The following FSTL4 variants were observed in gnomAD, a reference collection of about 807,000 sequenced individuals.
FSTL4 encodes follistatin-related protein 4.
FSTL4 carries 28 observed loss-of-function variants against 78.2 expected under a neutral mutation model. That is an observed-to-expected ratio of 0.36 (90% confidence interval 0.27 to 0.49). The LOEUF (loss-of-function observed/expected upper bound fraction) is 0.49, where lower values mean the gene tolerates loss of function less well. FSTL4 is among the 20% of genes least tolerant of loss of function. The pLI is 0.98. For missense variants in FSTL4, 922 were observed against 1,084.9 expected (o/e 0.85, Z 2.11); for synonymous variants, 422 against 440.5 (o/e 0.96, Z 0.53).
In FSTL4 at chr5:133,199,439, G is replaced by T. The variant is rs1160718412; in HGVS notation, c.2185C>A (p.Gln729Lys). The change falls in exon 16 of 16, where the codon CAA becomes AAA. Residue 729 changes from glutamine (Q) to lysine (K), a missense_variant. Transcript: ENST00000265342. This position sits in a 1 kb window ranked among gnomAD's most constrained non-coding sequence, Gnocchi z 4.4. ...RGEIQTLYDL[Q>K]INSGISDLAF... ...AAGTCTGAGATGCCCGAGTTTATTT[G>T]CAGGTCATACAGGGTCTGGATCTCG... The T allele has an allele frequency of 6.2e-7, 1 of 1,614,186 alleles. No homozygotes were observed. Among genetic ancestry groups the T allele is most frequent in the Non-Finnish European group, 8.5e-7 (1 of 1,180,014 alleles).
intron 6 of FSTL4, among the ~76,000 whole-genome samples, chr5:133,311,545 C>G (rs1184749457): frequency 6.6e-6 from 1 of 152,204 alleles, no homozygotes; most frequent in African/African-American, 2.4e-5. Flanking sequence ...CCACAAGAGC[C>G]CTTCTTGCCA....
intron 4 of FSTL4, among the ~76,000 whole-genome samples, chr5:133,322,190 G>A (rs902583249): frequency 2.1e-4 from 31 of 149,058 alleles, no homozygotes; most frequent in Non-Finnish European, 3.7e-4. Flanking sequence ...AATCCACCTC[G>A]TCTGTAGGAA....
Position 133,573,820 on chromosome 5 carries a change from T to C in FSTL4, c.127-6601A>G, listed in dbSNP as rs547758953. 2.6e-5 allele frequency among the ~76,000 whole-genome samples: 4 copies of C among 152,332 alleles called. No homozygotes were observed. In the South Asian group the frequency reaches 8.3e-4, roughly 32 times the overall value. On this transcript the variant is annotated intron_variant, in intron 2 of 15. Transcript: ENST00000265342. ...TAAAAATTGGCCGTATGCTGAGCCA[T>C]AAGCAAGTTTAAACACATCATGGCA...
intron 6 of FSTL4, among the ~76,000 whole-genome samples, chr5:133,279,985 G>C (rs1752974315): frequency 1.3e-5 from 2 of 152,204 alleles, no homozygotes; most frequent in African/African-American, 4.8e-5. Flanking sequence ...GGAATACCAG[G>C]AGCCACCAGA....
At chr5:133,242,431 A>G (rs1246742493) in intron 7 of FSTL4, among the ~76,000 whole-genome samples, 1 of 151,990 alleles carries the variant, frequency 6.6e-6, no homozygotes, top group Non-Finnish European at 1.5e-5. Flanking sequence ...TTCTGCAATC[A>G]GGGTATAGAA....
At chr5:133,392,281 G>C (rs1755868414) in intron 4 of FSTL4, among the ~76,000 whole-genome samples, 2 of 152,130 alleles carry the variant, frequency 1.3e-5, no homozygotes, top group Admixed American at 1.3e-4. Flanking sequence ...TCGTGGGACA[G>C]TCTGGGTCTT....
intron 3 of FSTL4, among the ~76,000 whole-genome samples, chr5:133,413,543 T>C (rs190876678): frequency 3.9e-5 from 6 of 152,314 alleles, no homozygotes; most frequent in Non-Finnish European, 7.4e-5. Flanking sequence ...TGCTTATAAT[T>C]CATCAGGTTT....
chr5:133,197,568 G>T lies in FSTL4; in HGVS notation c.*1527C>A, dbSNP rs1462535362. 1.3e-5 allele frequency: 2 copies of T among 152,428 alleles called. No homozygotes were observed. The highest frequency in any genetic ancestry group is 4.8e-5 in the African/African-American group (2 of 41,454). The allele number at this position is 152,428 out of a possible 1,614,324, so 9.4% of individuals were successfully genotyped here. ...AGGAGTGAAAGGAGCTGTGTGTGTT[G>T]AGAGTGACACAGAGTCTAGGGTTTC... On this transcript the variant is annotated 3_prime_UTR_variant, in exon 16 of 16. Coordinates refer to ENST00000265342, the MANE Select transcript of FSTL4 (RefSeq NM_015082.2).
At chr5:133,509,742 C>T (rs1324736950) in intron 3 of FSTL4, among the ~76,000 whole-genome samples, 1 of 152,218 alleles carries the variant, frequency 6.6e-6, no homozygotes, top group Non-Finnish European at 1.5e-5. Flanking sequence ...ATGGGCCTAA[C>T]ACGATAACAT....
intron 1 of FSTL4, among the ~76,000 whole-genome samples, chr5:133,609,964 A>G (rs906381277): frequency 1.3e-5 from 2 of 152,228 alleles, no homozygotes; most frequent in Admixed American, 1.3e-4. Flanking sequence ...ACCGCACATA[A>G]GCAACTCAAG....
intron 3 of FSTL4, among the ~76,000 whole-genome samples, chr5:133,424,436 G>T (rs548856800): frequency 6.6e-6 from 1 of 152,278 alleles, no homozygotes; most frequent in Admixed American, 6.5e-5. Context: ...GATGATATTT[G>T]TATTCAATAC....
the FSTL4 span, among the ~76,000 whole-genome samples, chr5:133,634,846 C>T: frequency 6.6e-6 from 1 of 152,112 alleles, no homozygotes; most frequent in Non-Finnish European, 1.5e-5. Context: ...AGAGTACCCT[C>T]ATAATCTACA....
chr5:133,819,373 C>T, the FSTL4 span, among the ~76,000 whole-genome samples: 1 of 152,134 alleles, frequency 6.6e-6, no homozygotes, highest in African/African-American at 2.4e-5. Context: ...TCTGTCTGCT[C>T]CCTGCTCACA....
At chr5:133,487,479 C>T (rs1758160868) in intron 3 of FSTL4, among the ~76,000 whole-genome samples, 1 of 152,206 alleles carries the variant, frequency 6.6e-6, no homozygotes, top group African/African-American at 2.4e-5. Context: ...GTGAACTGTT[C>T]TGCTGTTCAT....
chr5:133,398,212 T>A lies in FSTL4; in HGVS notation c.409+2526A>T, dbSNP rs80328392. ...AGGCTCCTGTGAATCAGTGCCCAGGTCTTTCCTGTTTGCTGGGCACTCCCT... is the reference window on the plus strand; with the variant it reads ...AGGCTCCTGTGAATCAGTGCCCAGGACTTTCCTGTTTGCTGGGCACTCCCT... On this transcript the variant is annotated intron_variant, in intron 4 of 15. Coordinates refer to ENST00000265342, the MANE Select transcript of FSTL4 (RefSeq NM_015082.2). Among the ~76,000 whole-genome samples, 688 of 152,240 alleles carry A rather than the reference T, an allele frequency of 4.5e-3. 25 individuals are homozygous for A. In the East Asian group the frequency reaches 0.077, roughly 17 times the overall value.
chr5:133,560,961 C>T (rs1461099819), intron 3 of FSTL4, among the ~76,000 whole-genome samples: 1 of 151,230 alleles, frequency 6.6e-6, no homozygotes, highest in East Asian at 2.0e-4. Flanking sequence ...TGGTGGTGGG[C>T]ACATGTAGTC....
chr5:133,454,577 A>C (rs1191288736), intron 3 of FSTL4, among the ~76,000 whole-genome samples: 1 of 152,152 alleles, frequency 6.6e-6, no homozygotes, highest in African/African-American at 2.4e-5. Context: ...AGAAAGGAAA[A>C]TATCTCTGCC....
At chr5:133,736,473 A>G in the FSTL4 span, among the ~76,000 whole-genome samples, 1 of 152,238 alleles carries the variant, frequency 6.6e-6, no homozygotes, top group Admixed American at 6.5e-5. Context: ...ATTTAAAGCC[A>G]CAACCTTGAT....
rs766582884 is a variant in FSTL4, at chr5:133,220,858, C to A, written c.1348G>T (p.Val450Leu). The A allele has an allele frequency of 1.3e-6, 2 of 1,596,030 alleles. No homozygotes were observed. Among genetic ancestry groups the A allele is most frequent in the African/African-American group, 2.7e-5 (2 of 74,580 alleles). Residue 450 changes from valine (V) to leucine (L), a missense_variant, in exon 12 of 16, where the codon GTG becomes TTG. By Grantham distance (32) the Val-to-Leu change is conservative (BLOSUM62 1). Coordinates refer to ENST00000265342, the MANE Select transcript of FSTL4 (RefSeq NM_015082.2). ...GAGAAGACATAGAACATGTTTCCCACGCTGAGGCCTGGGAGGAGCAAATGG... is the reference window on the plus strand; with the variant it reads ...GAGAAGACATAGAACATGTTTCCCAAGCTGAGGCCTGGGAGGAGCAAATGG... ...NILWREEGLS[V>L]GNMFYVFSDD...
Sources: gnomAD v4.1 joint callset for allele counts (sites outside exome capture counted in the v4.1 genomes callset) on GRCh38, gnomAD v4.1.1 for gene constraint, Gnocchi (gnomAD v3.1) non-coding constraint, MANE v1.5 for transcripts, NCBI Gene and HGNC (gene_info 2026-07-23, HGNC 2026-07-21) for gene names.